CUX1: variants seen among roughly 807,000 people sequenced by gnomAD.
CUX1 encodes the protein cut like homeobox 1.
In CUX1, 31 loss-of-function variants were observed where a neutral mutation model predicts 158.8. That is an observed-to-expected ratio of 0.20 (90% confidence interval 0.15 to 0.26). The LOEUF (loss-of-function observed/expected upper bound fraction) is 0.26. Ranked by LOEUF, CUX1 falls within the 10% of genes least tolerant of loss-of-function variation. The pLI is 1.00. For synonymous variants in CUX1, 879 were observed against 862.1 expected, an observed-to-expected ratio of 1.02 and a Z score of -0.34; for missense variants, 1,589 against 2,014.6, an observed-to-expected ratio of 0.79 and a Z score of 4.04.
At chr7:102,207,270 T>C (rs117801649) in intron 20 of CUX1, among the ~76,000 whole-genome samples, 5,521 of 152,184 alleles carry the variant, frequency 0.036, 147 homozygotes, top group South Asian at 0.051. Context: ...CAGTGGTTTT[T>C]GTGAAGAGGC....
At chr7:102,204,097 A>G (rs576157058) in intron 18 of CUX1, among the ~76,000 whole-genome samples, 1 of 152,166 alleles carries the variant, frequency 6.6e-6, no homozygotes, top group African/African-American at 2.4e-5. Flanking sequence ...CAGCCCTGCC[A>G]TCTTGGCAGG....
chr7:102,168,254 G>A (rs1791274086), intron 9 of CUX1, among the ~76,000 whole-genome samples: 1 of 152,076 alleles, frequency 6.6e-6, no homozygotes, highest in Non-Finnish European at 1.5e-5. Flanking sequence ...ACCCACCCAG[G>A]CACCACATGA....
chr7:102,229,469 G>A (rs1798723937), intron 21 of CUX1, among the ~76,000 whole-genome samples: 1 of 151,664 alleles, frequency 6.6e-6, no homozygotes, highest in Non-Finnish European at 1.5e-5. Context: ...CCGCCACCGT[G>A]CCCAGCTAAT....
At chr7:102,143,248 C>T (rs1834654200) in intron 8 of CUX1, among the ~76,000 whole-genome samples, 1 of 152,116 alleles carries the variant, frequency 6.6e-6, no homozygotes, top group African/African-American at 2.4e-5. Flanking sequence ...ATTTTCTTCC[C>T]ATTCTCTGTT....
intron 8 of CUX1, among the ~76,000 whole-genome samples, chr7:102,145,086 T>TAAAA (rs59225537): frequency 1.3e-4 from 15 of 118,778 alleles, no homozygotes; most frequent in African/African-American, 3.7e-4. Context: ...GACTCCGTCT[T>TAAAA]AAAAAAAAAA....
At chr7:101,991,348 T>C (rs1585197532) in intron 2 of CUX1, among the ~76,000 whole-genome samples, 1 of 152,214 alleles carries the variant, frequency 6.6e-6, no homozygotes, top group East Asian at 1.9e-4. Context: ...GATGTGTGTG[T>C]GTATCTTTAT....
chr7:102,095,941 A>T (rs1829130592), intron 4 of CUX1, among the ~76,000 whole-genome samples: 1 of 152,260 alleles, frequency 6.6e-6, no homozygotes, highest in African/African-American at 2.4e-5. Context: ...TAAAGATCAC[A>T]TTGATGCGGA....
At chr7:101,994,330 C>G (rs1815535454) in intron 2 of CUX1, among the ~76,000 whole-genome samples, 1 of 152,210 alleles carries the variant, frequency 6.6e-6, no homozygotes, top group African/African-American at 2.4e-5. Context: ...AGGCCAGGGG[C>G]AGTAGCTCAT....
At chr7:102,053,561 C>G (rs1412023935) in intron 3 of CUX1, among the ~76,000 whole-genome samples, 1 of 151,992 alleles carries the variant, frequency 6.6e-6, no homozygotes. Context: ...TTTTTGGTAC[C>G]CATTAACCAT....
At chr7:102,227,717 C>T in intron 21 of CUX1, 48 bp downstream of exon 21, 2 of 1,565,666 alleles carry the variant, frequency 1.3e-6, no homozygotes, top group Non-Finnish European at 1.7e-6. Flanking sequence ...AGGGAGTTTG[C>T]AGGAGGAGCA....
At chr7:101,999,925 A>G (rs1352265171) in intron 2 of CUX1, among the ~76,000 whole-genome samples, 1 of 152,102 alleles carries the variant, frequency 6.6e-6, no homozygotes, top group African/African-American at 2.4e-5. Context: ...TGTTCTAAAG[A>G]GACCCTAGTG....
At chr7:102,092,937 GAAAGAAAA>G (rs1828758413) in intron 4 of CUX1, among the ~76,000 whole-genome samples, 1 of 48,804 alleles carries the variant, frequency 2.0e-5, no homozygotes. Context: ...AAAAAAGAAA[GAAAGAAAA>G]GAAAAAAAGA....
At chr7:101,883,588 T>C in intron 1 of CUX1, among the ~76,000 whole-genome samples, 1 of 125,304 alleles carries the variant, frequency 8.0e-6, no homozygotes, top group East Asian at 7.2e-4. Context: ...TTTTCTTTAA[T>C]TTTTTTTTGA....
At chr7:102,083,640 T>C (rs1554479523) in intron 4 of CUX1, among the ~76,000 whole-genome samples, 1 of 146,972 alleles carries the variant, frequency 6.8e-6, no homozygotes, top group African/African-American at 2.4e-5. Context: ...TGTCAGTTTT[T>C]ACAAAGGAGT....
In CUX1 at chr7:102,252,764, T is replaced by G. The variant is rs1801651290; in HGVS notation, c.*3722T>G. The G allele has an allele frequency of 1.0e-6, 1 of 985,424 alleles. No individual in the cohort carries two copies. The highest frequency in any genetic ancestry group is 1.7e-5 in the African/African-American group (1 of 57,242). The allele number at this position is 985,424 out of a possible 1,614,324, so 61.0% of individuals were successfully genotyped here. ...CCCGAGCTCCCTGGTAACCTCCTCT[T>G]GAACTTCTGTATCAGTGAAGACATC... On this transcript the variant is annotated 3_prime_UTR_variant, in exon 24 of 24. Coordinates refer to ENST00000292535, the MANE Select transcript of CUX1 (RefSeq NM_181552.4).
At chr7:102,205,241 C>A in intron 20 of CUX1, 71 bp downstream of exon 20, 2 of 1,202,092 alleles carry the variant, frequency 1.7e-6, no homozygotes, top group South Asian at 2.4e-5. Context: ...GTGCTGTGGT[C>A]TGTCCCGGCG....
At chr7:102,015,148 C>G (rs146752111) in intron 2 of CUX1, among the ~76,000 whole-genome samples, 1 of 152,118 alleles carries the variant, frequency 6.6e-6, no homozygotes, top group Non-Finnish European at 1.5e-5. Flanking sequence ...TGCACACAAG[C>G]GATGAATAAA....
chr7:102,249,327 G>T lies in CUX1; in HGVS notation c.*285G>T. Reference sequence around the variant, plus strand: ...ACCCAGCCCGCGGCCTGGACCCCTGGACCGCTTTGCGCACTTACCGCCCTG... The same window carrying T: ...ACCCAGCCCGCGGCCTGGACCCCTGTACCGCTTTGCGCACTTACCGCCCTG... On this transcript the variant is annotated 3_prime_UTR_variant, in exon 24 of 24. Transcript: ENST00000292535. The T allele has an allele frequency of 9.8e-7, 1 of 1,020,938 alleles. No individual in the cohort carries two copies. Among genetic ancestry groups the T allele is most frequent in the African/African-American group, 1.7e-5 (1 of 58,212 alleles). 63.2% of individuals were successfully genotyped at this position (1,020,938 alleles called of 1,614,324 possible). A position where few individuals can be genotyped will look rare whatever the true frequency, so the allele number is the denominator to read the frequency against.
chr7:101,923,256 T>C (rs1292554788), intron 2 of CUX1, among the ~76,000 whole-genome samples: 1 of 152,206 alleles, frequency 6.6e-6, no homozygotes, highest in South Asian at 2.1e-4. Flanking sequence ...GCTATTTGAA[T>C]GTGATGCTCA....
Sources: gnomAD v4.1 joint callset for allele counts (sites outside exome capture counted in the v4.1 genomes callset) on GRCh38, gnomAD v4.1.1 for gene constraint, MANE v1.5 for transcripts, NCBI Gene and HGNC (gene_info 2026-07-23, HGNC 2026-07-21) for gene names.